Variants in EYS observed in about 807,000 individuals in gnomAD.
The protein encoded by EYS is EGF-like photoreceptor maintenance factor.
EYS carries 250 observed loss-of-function variants against 282.1 expected under a neutral mutation model. The observed-to-expected ratio is 0.89, with a 90% CI of 0.80 to 0.98. The LOEUF (loss-of-function observed/expected upper bound fraction) is 0.98, where lower values mean the gene tolerates loss of function less well. Among genes scored for constraint, EYS ranks in the 50% least tolerant of loss-of-function variants. The pLI, the probability that EYS is intolerant of heterozygous loss-of-function variation, is 0.00. For synonymous variants in EYS, 1,355 were observed against 1,282.9 expected (o/e 1.06, Z -1.20); for missense variants, 4,016 against 3,709.0 (o/e 1.08, Z -2.15).
At chr6:65,584,520 AGGTT>A (rs1223213407) in intron 2 of EYS, among the ~76,000 whole-genome samples, 5 of 152,062 alleles carry the variant, frequency 3.3e-5, no homozygotes, top group Non-Finnish European at 7.4e-5. Context: ...TTTACCAATT[AGGTT>A]TTTTTCAAAC....
At chr6:65,404,029 C>G (rs1444658253) in intron 6 of EYS, among the ~76,000 whole-genome samples, 2 of 152,018 alleles carry the variant, frequency 1.3e-5, no homozygotes, top group African/African-American at 4.8e-5. Context: ...TTCCAGAGGT[C>G]ATAAGTCTGA....
At chr6:65,597,285 T>C (rs758327645) in intron 2 of EYS, among the ~76,000 whole-genome samples, 3 of 152,036 alleles carry the variant, frequency 2.0e-5, no homozygotes, top group Non-Finnish European at 4.4e-5. Flanking sequence ...CATTTGAGCA[T>C]TGAGATTTTT....
chr6:63,798,902 A>G (rs1770705485), intron 37 of EYS, among the ~76,000 whole-genome samples: 1 of 149,804 alleles, frequency 6.7e-6, no homozygotes, highest in Non-Finnish European at 1.5e-5. Context: ...TTAGGTGCAT[A>G]GATCAAATTT....
intron 7 of EYS, among the ~76,000 whole-genome samples, chr6:65,401,395 TG>T (rs1423783874): frequency 3.3e-5 from 5 of 151,194 alleles, no homozygotes; most frequent in South Asian, 2.1e-4. Flanking sequence ...GAGATGTATT[TG>T]TTTTTTTTTT....
At chr6:64,074,923 C>T (rs966157901) in intron 32 of EYS, among the ~76,000 whole-genome samples, 2 of 151,828 alleles carry the variant, frequency 1.3e-5, no homozygotes, top group African/African-American at 2.4e-5. Context: ...AATAGATGTA[C>T]CCTATATTGT....
At chr6:65,437,107 G>A (rs985179898) in intron 5 of EYS, among the ~76,000 whole-genome samples, 6 of 152,082 alleles carry the variant, frequency 3.9e-5, no homozygotes, top group East Asian at 1.9e-4. Flanking sequence ...AATTTATTAT[G>A]TTTCTCTTTT....
At position 65,541,282 on chromosome 6, in the gene EYS, G is replaced by A. The variant is rs537528983; in HGVS notation, c.-332-45289C>T. On this transcript the variant is annotated intron_variant, in intron 2 of 42. Transcript: ENST00000503581. Reference sequence around the variant, plus strand: ...GATTCTGAGTTAATTTAAACATTGCGATTAATAGTGTATAACCACTGATGA... The same window carrying A: ...GATTCTGAGTTAATTTAAACATTGCAATTAATAGTGTATAACCACTGATGA... Among the ~76,000 whole-genome samples the A allele has an allele frequency of 8.5e-5, 13 of 152,214 alleles. No individual in the cohort carries two copies. The South Asian group carries it at 1.0e-3, about 12-fold the overall frequency.
At chr6:63,814,617 A>G (rs560417232) in intron 36 of EYS, among the ~76,000 whole-genome samples, 6 of 152,240 alleles carry the variant, frequency 3.9e-5, no homozygotes, top group Non-Finnish European at 8.8e-5. Context: ...AAAAGAAATA[A>G]TACATGCTAG....
In EYS at chr6:64,342,042, T is replaced by A. The variant is rs114214343; in HGVS notation, c.6079-34960A>T. 2.4e-3 allele frequency among the ~76,000 whole-genome samples: 360 copies of A among 151,740 alleles called. 2 individuals are homozygous for A. The highest frequency in any genetic ancestry group is 8.3e-3 in the African/African-American group (345 of 41,490). Reference sequence around the variant, plus strand: ...GGTGGAGGTCACAATAGAAACTAGATTTCTTAAAACAGATCTTTAGATATG... The same window carrying A: ...GGTGGAGGTCACAATAGAAACTAGAATTCTTAAAACAGATCTTTAGATATG... On this transcript the variant is annotated intron_variant, in intron 29 of 42. Coordinates refer to ENST00000503581, the MANE Select transcript of EYS (RefSeq NM_001142800.2).
intron 40 of EYS, among the ~76,000 whole-genome samples, chr6:63,763,334 T>C (rs183617028): frequency 6.6e-6 from 1 of 152,142 alleles, no homozygotes; most frequent in African/African-American, 2.4e-5. Flanking sequence ...AACTTTCTGA[T>C]AGACCCATCA....
chr6:65,019,011 C>G (rs1772154800), intron 13 of EYS, among the ~76,000 whole-genome samples: 1 of 152,018 alleles, frequency 6.6e-6, no homozygotes, highest in Admixed American at 6.6e-5. Context: ...TCAATGAACA[C>G]AAAATGGGGA....
intron 41 of EYS, among the ~76,000 whole-genome samples, chr6:63,751,571 G>C (rs148135930): frequency 1.3e-5 from 2 of 152,034 alleles, no homozygotes; most frequent in African/African-American, 2.4e-5. Context: ...GAAGTGTTAC[G>C]ACTTTACCTC....
intron 26 of EYS, among the ~76,000 whole-genome samples, chr6:64,514,709 T>A (rs1169239496): frequency 2.0e-5 from 3 of 151,786 alleles, no homozygotes; most frequent in Non-Finnish European, 4.4e-5. Context: ...TGTGAGCAAC[T>A]GTTTACCAAG....
At chr6:65,579,327 T>C (rs1301902611) in intron 2 of EYS, among the ~76,000 whole-genome samples, 1 of 152,128 alleles carries the variant, frequency 6.6e-6, no homozygotes, top group African/African-American at 2.4e-5. Context: ...AGTATAATTT[T>C]AGTGAAGAAA....
intron 22 of EYS, among the ~76,000 whole-genome samples, chr6:64,673,422 G>T (rs538349165): frequency 6.6e-6 from 1 of 152,040 alleles, no homozygotes; most frequent in African/African-American, 2.4e-5. Context: ...ATTACTATTT[G>T]AATACATTAT....
At chr6:65,221,691 G>A (rs548624455) in intron 12 of EYS, among the ~76,000 whole-genome samples, 1 of 152,324 alleles carries the variant, frequency 6.6e-6, no homozygotes, top group East Asian at 1.9e-4. Flanking sequence ...TAGTGGAGAT[G>A]TGAGAAAAGG....
chr6:64,421,088 C>T (rs536170589), intron 28 of EYS, among the ~76,000 whole-genome samples: 1 of 152,254 alleles, frequency 6.6e-6, no homozygotes, highest in South Asian at 2.1e-4. Context: ...TAAAGACATA[C>T]CTGAGACTGA....
intron 26 of EYS, among the ~76,000 whole-genome samples, chr6:64,461,362 G>C (rs945152330): frequency 1.3e-5 from 2 of 151,846 alleles, no homozygotes; most frequent in East Asian, 3.9e-4. Flanking sequence ...AAATGAGAGA[G>C]GATTGATTGA....
intron 5 of EYS, among the ~76,000 whole-genome samples, chr6:65,435,470 G>A (rs1366647754): frequency 1.3e-5 from 2 of 151,608 alleles, no homozygotes; most frequent in Non-Finnish European, 2.9e-5. Flanking sequence ...AAACTTAAAA[G>A]GAAATGATTA....
Sources: allele counts gnomAD v4.1 joint callset (sites outside exome capture counted in the v4.1 genomes callset), GRCh38; gene constraint gnomAD v4.1.1; transcripts MANE v1.5; gene names NCBI Gene and HGNC (gene_info 2026-07-23, HGNC 2026-07-21).